Variants in EVC observed in about 807,000 individuals in gnomAD.
EVC encodes the protein evC complex member EVC.
Under a neutral mutation model 118.9 loss-of-function variants are expected in EVC, and 116 were observed. The observed-to-expected ratio is 0.98, with a 90% confidence interval of 0.84 to 1.14. The LOEUF (loss-of-function observed/expected upper bound fraction) is 1.14, where lower values mean the gene tolerates loss of function less well. Among genes scored for constraint, EVC ranks in the 50% most tolerant of loss-of-function variants. EVC has a pLI of 0.00. For missense variants in EVC, 1,401 were observed against 1,246.4 expected (o/e 1.12, Z -1.87); for synonymous variants, 619 against 534.7 (o/e 1.16, Z -2.18).
intron 11 of EVC, among the ~76,000 whole-genome samples, chr4:5,765,760 C>A (rs12640915): frequency 0.29 from 42,239 of 147,524 alleles, 7,094 homozygotes; most frequent in Admixed American, 0.42. Context: ...TGCTTGGTAG[C>A]TCTTCCTCCA....
chr4:5,824,629 T>C, the EVC span: 954 of 952,730 alleles, frequency 1.0e-3, 6 homozygotes, highest in African/African-American at 0.015. Flanking sequence ...GAATAGTTTG[T>C]ACATTTTCAA....
chr4:5,742,779 T>C lies in EVC; in HGVS notation c.801+965T>C, dbSNP rs10014832. On this transcript the variant is annotated intron_variant, in intron 6 of 20. Coordinates refer to ENST00000264956, the MANE Select transcript of EVC (RefSeq NM_153717.3). This position sits in a 1 kb window ranked among gnomAD's most constrained non-coding sequence, Gnocchi z 5.2. Reference sequence around the variant, plus strand: ...TTATTGCCATCACCACCACCAATGTTGCAGGGCAGGCAAGCTCCAGAATAG... The same window carrying C: ...TTATTGCCATCACCACCACCAATGTCGCAGGGCAGGCAAGCTCCAGAATAG... 0.071 allele frequency among the ~76,000 whole-genome samples: 10,811 copies of C among 152,274 alleles called. 534 individuals carry two copies. Among genetic ancestry groups the C allele is most frequent in the Non-Finnish European group, 0.1 (6,946 of 68,022 alleles).
Position 5,729,368 on chromosome 4 carries a change from A to G in EVC, c.362A>G (p.Tyr121Cys). The change falls in exon 3 of 21, where the codon TAC becomes TGC. Residue 121 changes from tyrosine (Y) to cysteine (C), a missense_variant. Coordinates refer to ENST00000264956, the MANE Select transcript of EVC (RefSeq NM_153717.3). ...TTCGCCCTGAAGGCCAAAGTCATCT[A>G]CCCCATCAATCAGAAGTTCCGGGTG... ...TAFALKAKVI[Y>C]PINQKFRPLA... 1 of 1,614,020 alleles carries G rather than the reference A, an allele frequency of 6.2e-7. No homozygotes were observed.
At position 5,756,577 on chromosome 4, in the gene EVC, C is replaced by T. The variant is rs1279040480; in HGVS notation, c.1563+215C>T. On this transcript the variant is annotated intron_variant, in intron 11 of 20. Transcript: ENST00000264956. The surrounding 1 kb of genome is among the most constrained non-coding windows in gnomAD (Gnocchi z 4.2). The stretch of plus-strand genomic sequence containing the variant: ...GCCTTGGTCCTCTCTGAGGCACCGT[C>T]CATTTTTGGGGTGCTGAGGATTCTT... 2.0e-5 allele frequency among the ~76,000 whole-genome samples: 3 copies of T among 152,200 alleles called. No individual in the cohort carries two copies. Among genetic ancestry groups the T allele is most frequent in the Non-Finnish European group, 2.9e-5 (2 of 68,034 alleles).
intron 11 of EVC, among the ~76,000 whole-genome samples, chr4:5,768,159 G>A (rs376006021): frequency 1.3e-5 from 2 of 152,220 alleles, no homozygotes; most frequent in African/African-American, 4.8e-5. Context: ...GAAGAGGAGG[G>A]GATGAGTCCA....
At chr4:5,765,385 T>C (rs1403161112) in intron 11 of EVC, among the ~76,000 whole-genome samples, 3 of 112,758 alleles carry the variant, frequency 2.7e-5, no homozygotes, top group African/African-American at 7.0e-5. Flanking sequence ...TTCTGTTGAT[T>C]TGGGGTGGAG....
Position 5,753,016 on chromosome 4 carries a change from A to G in EVC, c.1279A>G (p.Lys427Glu). ...QKEELLTQQH[K>E]AFWQEAERFS... ...GGAGGAGCTGCTCACGCAGCAGCAC[A>G]AGGCCTTCTGGCAGGAGGCAGAGCG... Residue 427 changes from lysine (K) to glutamate (E), a missense_variant, in exon 9 of 21, where the codon AAG (lysine) becomes GAG (glutamate). Coordinates refer to ENST00000264956, the MANE Select transcript of EVC (RefSeq NM_153717.3). 3 of 1,610,886 alleles carry G rather than the reference A, an allele frequency of 1.9e-6. No individual in the cohort carries two copies. Among genetic ancestry groups the G allele is most frequent in the Non-Finnish European group, 1.7e-6 (2 of 1,178,782 alleles).
At position 5,733,415 on chromosome 4, in the gene EVC, C is replaced by T. The variant is rs760306552; in HGVS notation, c.682C>T (p.Leu228=). ...LKDLLHLDTA[L]RQEKHMMFIQ... ...AGACCTGCTGCATTTGGACACGGCA[C>T]TGAGGCAGGAAAAGCATATGGTAGG... Residue 228 remains leucine (L), a synonymous_variant, in exon 5 of 21, where the codon CTG becomes TTG. Coordinates refer to ENST00000264956, the MANE Select transcript of EVC (RefSeq NM_153717.3). 1.2e-6 allele frequency: 2 copies of T among 1,614,062 alleles called. No individual in the cohort carries two copies. Among genetic ancestry groups the T allele is most frequent in the Non-Finnish European group, 8.5e-7 (1 of 1,179,938 alleles).
chr4:5,761,219 T>G (rs1176603853), intron 11 of EVC, among the ~76,000 whole-genome samples: 1 of 151,938 alleles, frequency 6.6e-6, no homozygotes, highest in Non-Finnish European at 1.5e-5. Flanking sequence ...ACCTGGCACA[T>G]GGTAGGTGCT....
rs1271661548 is a variant in EVC at position 5,812,759 on chromosome 4, G to A, written c.*1722G>A. 6.5e-6 allele frequency: 1 copy of A among 153,540 alleles called. No homozygotes were observed. Among genetic ancestry groups the A allele is most frequent in the Admixed American group, 6.5e-5 (1 of 15,300 alleles). 9.5% of individuals were successfully genotyped at this position (153,540 alleles called of 1,614,324 possible). ...GCCCAGAGCATCACAGGATGTTCCA[G>A]TGTCCCTGGTCTCTGCCCACCAGAT... On this transcript the variant is annotated 3_prime_UTR_variant, in exon 21 of 21. Coordinates refer to ENST00000264956, the MANE Select transcript of EVC (RefSeq NM_153717.3).
chr4:5,729,538 T>C (rs889977681), intron 3 of EVC, 148 bp downstream of exon 3: 3 of 811,546 alleles, frequency 3.7e-6, no homozygotes, highest in East Asian at 2.6e-5. Context: ...GTTTTGAGGC[T>C]CAGGAACAGG....
At chr4:5,825,060 G>C in the EVC span, 1 of 985,250 alleles carries the variant, frequency 1.0e-6, no homozygotes, top group Admixed American at 6.2e-5. This position sits in a 1 kb window ranked among gnomAD's most constrained non-coding sequence, Gnocchi z 4.4. Context: ...ATAAAATCAT[G>C]GGTTATGAAA....
chr4:5,785,014 G>T lies in EVC; in HGVS notation c.1776+1250G>T, dbSNP rs113965535. On this transcript the variant is annotated intron_variant, in intron 12 of 20. Coordinates refer to ENST00000264956, the MANE Select transcript of EVC (RefSeq NM_153717.3). ...CACCAGTCCTTTCTCCCCTGCCTTCGGCCCTCTAGAGGCTGTGAAACTAAC... is the reference window on the plus strand; with the variant it reads ...CACCAGTCCTTTCTCCCCTGCCTTCTGCCCTCTAGAGGCTGTGAAACTAAC... Among the ~76,000 whole-genome samples, 54 of 151,678 alleles carry T rather than the reference G, an allele frequency of 3.6e-4. No individual in the cohort carries two copies. The East Asian group carries it at 4.5e-3, about 13-fold the overall frequency.
At chr4:5,802,221 T>C in intron 16 of EVC, 127 bp downstream of exon 16, 4 of 1,343,138 alleles carry the variant, frequency 3.0e-6, no homozygotes, top group Non-Finnish European at 4.2e-6. Flanking sequence ...AGTGTTTTAA[T>C]GTATTTATCC....
At chr4:5,783,260 A>T (rs1459727324) in intron 11 of EVC, among the ~76,000 whole-genome samples, 5 of 151,864 alleles carry the variant, frequency 3.3e-5, no homozygotes, top group African/African-American at 1.2e-4. Flanking sequence ...ATGTGTGTAT[A>T]TGTGCCTGTG....
intron 11 of EVC, among the ~76,000 whole-genome samples, chr4:5,772,658 C>T (rs929559915): frequency 4.6e-5 from 7 of 152,062 alleles, no homozygotes; most frequent in Admixed American, 1.3e-4. Context: ...TGACCTATGA[C>T]GCTTCCACCC....
At chr4:5,761,552 T>G (rs189163578) in intron 11 of EVC, among the ~76,000 whole-genome samples, 1 of 151,924 alleles carries the variant, frequency 6.6e-6, no homozygotes, top group Non-Finnish European at 1.5e-5. Context: ...GTTACACACT[T>G]GAAAGACTTT....
chr4:5,751,906 A>G (rs1435535432), intron 8 of EVC, among the ~76,000 whole-genome samples: 2 of 152,152 alleles, frequency 1.3e-5, no homozygotes, highest in Non-Finnish European at 2.9e-5. Context: ...TGTGCAGGAC[A>G]GGGCCCCACA....
chr4:5,780,060 G>C (rs1247835325), intron 11 of EVC, among the ~76,000 whole-genome samples: 2 of 152,154 alleles, frequency 1.3e-5, no homozygotes, highest in Non-Finnish European at 2.9e-5. Context: ...AAGGGTTGTT[G>C]AATTTTGTCA....
Sources: allele counts gnomAD v4.1 joint callset (sites outside exome capture counted in the v4.1 genomes callset), GRCh38; gene constraint gnomAD v4.1.1; non-coding constraint Gnocchi (gnomAD v3.1); transcripts MANE v1.5; gene names NCBI Gene and HGNC (gene_info 2026-07-23, HGNC 2026-07-21).